TMEM184B: variants seen among roughly 807,000 people sequenced by gnomAD.
TMEM184B encodes the protein putative MAPK-activating protein FM08.
Under a neutral mutation model 41.8 loss-of-function variants are expected in TMEM184B, and 17 were observed. That is an observed-to-expected ratio of 0.41 (90% CI 0.28 to 0.61). The LOEUF (loss-of-function observed/expected upper bound fraction) is 0.61, where lower values mean the gene tolerates loss of function less well. Ranked by LOEUF, TMEM184B falls within the 20% of genes least tolerant of loss-of-function variation. The pLI is 0.34. For synonymous variants in TMEM184B, 240 were observed against 229.5 expected, an observed-to-expected ratio of 1.05 and a Z score of -0.41; for missense variants, 393 against 557.8, an observed-to-expected ratio of 0.70 and a Z score of 2.98.
At chr22:38,266,566 G>C (rs1056332525) in intron 1 of TMEM184B, among the ~76,000 whole-genome samples, 1 of 152,232 alleles carries the variant, frequency 6.6e-6, no homozygotes, top group Non-Finnish European at 1.5e-5. Flanking sequence ...GAAACAAAGC[G>C]CAAGAGCTGT....
chr22:38,266,821 C>T (rs1355935391), intron 1 of TMEM184B, among the ~76,000 whole-genome samples: 2 of 152,200 alleles, frequency 1.3e-5, no homozygotes, highest in Non-Finnish European at 2.9e-5. Context: ...CGGTGGCTCA[C>T]GCCTGTAATC....
intron 5 of TMEM184B, among the ~76,000 whole-genome samples, chr22:38,230,102 T>C (rs375827233): frequency 3.5e-3 from 123 of 35,304 alleles, no homozygotes; most frequent in Middle Eastern, 0.024. Context: ...CACAGGGAGG[T>C]CAGCCCAGGA....
chr22:38,272,696 C>T, intron 1 of TMEM184B, 188 bp downstream of exon 1: 1 of 985,432 alleles, frequency 1.0e-6, no homozygotes, highest in Non-Finnish European at 1.2e-6. Flanking sequence ...AGAGGAGGCA[C>T]GGGTGGGGAG....
chr22:38,246,632 C>T (rs1285387861), intron 2 of TMEM184B: 1 of 337,476 alleles, frequency 3.0e-6, no homozygotes, highest in Non-Finnish European at 5.3e-6. Flanking sequence ...CGAGTGGCTG[C>T]AGGGATGTCC....
intron 1 of TMEM184B, 126 bp downstream of exon 1, chr22:38,272,758 G>T: frequency 1.0e-6 from 1 of 985,226 alleles, no homozygotes. Context: ...TGCCCTCCCC[G>T]CCCGGGAGCC....
chr22:38,234,916 A>G (rs973096157), intron 3 of TMEM184B, among the ~76,000 whole-genome samples: 2 of 152,172 alleles, frequency 1.3e-5, no homozygotes, highest in Non-Finnish European at 2.9e-5. Context: ...TAAGCGGGAT[A>G]ACTCCTCCCT....
At chr22:38,246,818 T>C (rs2092040790) in intron 2 of TMEM184B, 1 of 1,297,318 alleles carries the variant, frequency 7.7e-7, no homozygotes, top group African/African-American at 1.5e-5. Flanking sequence ...CAGTCCTCAG[T>C]CCAGGCAGCC....
intron 3 of TMEM184B, among the ~76,000 whole-genome samples, chr22:38,243,107 T>C (rs187389719): frequency 1.1e-4 from 17 of 149,892 alleles, no homozygotes; most frequent in African/African-American, 4.2e-4. Context: ...TCACTGCAGC[T>C]GCTGTACTGT....
At chr22:38,238,853 G>A (rs1054097773) in intron 3 of TMEM184B, among the ~76,000 whole-genome samples, 1 of 152,240 alleles carries the variant, frequency 6.6e-6, no homozygotes, top group African/African-American at 2.4e-5. Flanking sequence ...CTCTGGACAA[G>A]TTTCAGAGCC....
rs765888735 is a variant in TMEM184B, at chr22:38,226,877, G to C, written c.526-7C>G. ...CACAGAACTGCAGGGTGGCCTGTTGGGGGGAAAAGGAGGTTGAGTGTGGAG... is the reference window on the plus strand; with the variant it reads ...CACAGAACTGCAGGGTGGCCTGTTGCGGGGAAAAGGAGGTTGAGTGTGGAG... On this transcript the variant is annotated splice_polypyrimidine_tract_variant and splice_region_variant and intron_variant, in intron 5 of 8. Transcript: ENST00000361906. This position sits in a 1 kb window ranked among gnomAD's most constrained non-coding sequence, Gnocchi z 4.6. The C allele has an allele frequency of 9.5e-6, 15 of 1,580,308 alleles. No homozygotes were observed. Among genetic ancestry groups the C allele is most frequent in the South Asian group, 4.6e-5 (4 of 86,562 alleles).
intron 8 of TMEM184B, 140 bp downstream of exon 8, chr22:38,224,645 G>T: frequency 1.2e-6 from 1 of 818,294 alleles, no homozygotes; most frequent in Non-Finnish European, 1.8e-6. Flanking sequence ...GACCTCTGTG[G>T]CCCCATTCCT....
intron 8 of TMEM184B, chr22:38,222,771 C>T (rs541882899): frequency 9.0e-5 from 84 of 931,992 alleles, no homozygotes; most frequent in African/African-American, 1.1e-4. Context: ...TGCCCACCAC[C>T]GAGGCCCACC....
chr22:38,238,422 C>T (rs967485251), intron 3 of TMEM184B, among the ~76,000 whole-genome samples: 4 of 152,084 alleles, frequency 2.6e-5, no homozygotes, highest in African/African-American at 4.8e-5. Flanking sequence ...GATGGGGTTT[C>T]GCCATGTTGG....
chr22:38,258,936 CTA>C (rs984449408), intron 1 of TMEM184B, among the ~76,000 whole-genome samples: 11 of 151,706 alleles, frequency 7.3e-5, no homozygotes, highest in Admixed American at 6.6e-4. Context: ...TCGTTTATTT[CTA>C]TGTTTATTTT....
Position 38,254,311 on chromosome 22 carries a change from A to G in TMEM184B, c.-58-6292T>C, listed in dbSNP as rs1021451735. On this transcript the variant is annotated intron_variant, in intron 1 of 8. Transcript: ENST00000361906. ...TCTCAGTAAAGAAGAGATACACAGC[A>G]AATAAGTACATGGCGCAGTGGCTCA... Among the ~76,000 whole-genome samples, 27 of 152,270 alleles carry G rather than the reference A, an allele frequency of 1.8e-4. 1 individual carries two copies. Among genetic ancestry groups the G allele is most frequent in the African/African-American group, 6.5e-4 (27 of 41,542 alleles).
In TMEM184B at chr22:38,221,146, A is replaced by G. The variant is rs1448579262; in HGVS notation, c.*323T>C. The G allele has an allele frequency of 5.9e-6, 7 of 1,178,284 alleles. No homozygotes were observed. The African/African-American group carries it at 9.5e-5, about 16-fold the overall frequency. 73.0% of individuals were successfully genotyped at this position (1,178,284 alleles called of 1,614,324 possible). A position where few individuals can be genotyped will look rare whatever the true frequency, so the allele number is the denominator to read the frequency against. The stretch of plus-strand genomic sequence containing the variant: ...GAAGGCTGCAGCCGCTGGTCCACAC[A>G]CAAGCATTGGGGCCTGGGTGCGGCT... On this transcript the variant is annotated 3_prime_UTR_variant, in exon 9 of 9. Coordinates refer to ENST00000361906, the MANE Select transcript of TMEM184B (RefSeq NM_012264.5).
At chr22:38,267,825 C>A (rs976089923) in intron 1 of TMEM184B, among the ~76,000 whole-genome samples, 1 of 152,196 alleles carries the variant, frequency 6.6e-6, no homozygotes, top group African/African-American at 2.4e-5. Flanking sequence ...TCAAAAACCA[C>A]TTCACTACCT....
intron 4 of TMEM184B, 127 bp from the exon 5 acceptor site, chr22:38,230,871 G>T: frequency 1.1e-6 from 1 of 901,740 alleles, no homozygotes; most frequent in Non-Finnish European, 1.8e-6. Flanking sequence ...GGCAGACTTT[G>T]AACCCGAGGC....
At chr22:38,247,074 G>T (rs1020732169) in intron 2 of TMEM184B, among the ~76,000 whole-genome samples, 5 of 152,174 alleles carry the variant, frequency 3.3e-5, no homozygotes, top group African/African-American at 1.2e-4. Context: ...GCCCGTCCCA[G>T]CCCACATCAG....
Sources: gnomAD v4.1 joint callset for allele counts (sites outside exome capture counted in the v4.1 genomes callset) on GRCh38, gnomAD v4.1.1 for gene constraint, Gnocchi (gnomAD v3.1) non-coding constraint, MANE v1.5 for transcripts, NCBI Gene and HGNC (gene_info 2026-07-23, HGNC 2026-07-21) for gene names.